Variants in WNT10B observed in about 807,000 individuals in gnomAD.
WNT10B encodes the protein Wnt family member 10B.
WNT10B carries 26 observed loss-of-function variants against 32.7 expected under a neutral mutation model. The ratio of observed to expected loss-of-function variants is 0.79; its 90% CI spans 0.58 to 1.10. The LOEUF is 1.10. Ranked by LOEUF, WNT10B falls within the 50% of genes least tolerant of loss-of-function variation. WNT10B has a pLI of 0.00. For missense variants in WNT10B, 474 were observed against 532.5 expected, an observed-to-expected ratio of 0.89 and a Z score of 1.08; for synonymous variants, 204 against 220.4, an observed-to-expected ratio of 0.93 and a Z score of 0.66.
rs774197373 is a variant in WNT10B at position 48,968,101 on chromosome 12, G to A, written c.556C>T (p.Pro186Ser). ...CATGTGTCCTGGGGGCCAGGGCTGG[G>A]GCTTGAGCCAGGGCCAGGGCTGGGC... Reference protein sequence around the residue: ...SLPSPGPGSSPSPGPQDTWEW... With the variant: ...SLPSPGPGSSSSPGPQDTWEW... The change falls in exon 4 of 5, where the codon CCC becomes TCC. Residue 186 changes from proline (P) to serine (S), a missense_variant. By Grantham distance (74) the Pro-to-Ser change is moderately conservative. Coordinates refer to ENST00000301061, the MANE Select transcript of WNT10B (RefSeq NM_003394.4). 9 of 1,614,102 alleles carry A rather than the reference G, an allele frequency of 5.6e-6. No homozygotes were observed. The African/African-American group carries it at 1.1e-4, about 19-fold the overall frequency.
In WNT10B at chr12:48,966,357, C is replaced by T. The variant is rs949468838; in HGVS notation, c.908G>A (p.Arg303His). 5.6e-6 allele frequency: 9 copies of T among 1,614,178 alleles called. No homozygotes were observed. In the East Asian group the frequency reaches 6.7e-5, roughly 12 times the overall value. Reference sequence around the variant, plus strand: ...AAAGTAGACCAGCTCTCCTGAGAGGCGACGGGGACGCAGACGGGGCTGGAA... The same window carrying T: ...AAAGTAGACCAGCTCTCCTGAGAGGTGACGGGGACGCAGACGGGGCTGGAA... ...GAFQPRLRPRRLSGELVYFEK... is the reference protein window; with the variant it reads ...GAFQPRLRPRHLSGELVYFEK... The change falls in exon 5 of 5, where the codon CGC becomes CAC. Residue 303 changes from arginine (R) to histidine (H), a missense_variant. Arg to His is a conservative substitution (Grantham distance 29, BLOSUM62 0). Coordinates refer to ENST00000301061, the MANE Select transcript of WNT10B (RefSeq NM_003394.4).
chr12:48,967,950 C>T lies in WNT10B; in HGVS notation c.707G>A (p.Arg236His), dbSNP rs372388862. The T allele has an allele frequency of 6.8e-6, 11 of 1,614,062 alleles. No individual in the cohort carries two copies. Among genetic ancestry groups the T allele is most frequent in the African/African-American group, 2.7e-5 (2 of 74,924 alleles). ...RMRIHNNRVG[R>H]QVVTENLKRK... Reference sequence around the variant, plus strand: ...GGACAAGATGTACACACATACCTGGCGCCCCACCCTGTTGTTGTGGATTCG... The same window carrying T: ...GGACAAGATGTACACACATACCTGGTGCCCCACCCTGTTGTTGTGGATTCG... Residue 236 changes from arginine to histidine, a missense_variant, in exon 4 of 5, where the codon CGC (arginine) becomes CAC (histidine). Physicochemically the swap from Arg to His is conservative, Grantham distance 29. Coordinates refer to ENST00000301061, the MANE Select transcript of WNT10B (RefSeq NM_003394.4).
At chr12:48,969,485 G>A (rs981510683) in intron 3 of WNT10B, among the ~76,000 whole-genome samples, 1 of 152,192 alleles carries the variant, frequency 6.6e-6, no homozygotes, top group Non-Finnish European at 1.5e-5. Flanking sequence ...GACCAGGCCA[G>A]CAGTGACCTG....
At chr12:48,969,018 C>T (rs762997344) in intron 3 of WNT10B, 67 of 465,898 alleles carry the variant, frequency 1.4e-4, no homozygotes, top group Non-Finnish European at 2.5e-4. Context: ...TTCCCTAAGG[C>T]CCTCTTAAAA....
intron 4 of WNT10B, among the ~76,000 whole-genome samples, chr12:48,967,672 G>A (rs1195585968): frequency 6.6e-6 from 1 of 152,040 alleles, no homozygotes; most frequent in Non-Finnish European, 1.5e-5. Flanking sequence ...GGCTGTTCTT[G>A]AACTCCTGGC....
chr12:48,967,375 A>G (rs768895301), intron 4 of WNT10B, among the ~76,000 whole-genome samples: 1 of 152,066 alleles, frequency 6.6e-6, no homozygotes, highest in African/African-American at 2.4e-5. Flanking sequence ...CACGTTAGCC[A>G]GGATGGTCTC....
Position 48,967,971 on chromosome 12 carries a change from A to T in WNT10B, c.686T>A (p.Ile229Asn), listed in dbSNP as rs1197489001. 1.2e-6 allele frequency: 2 copies of T among 1,614,216 alleles called. No individual in the cohort carries two copies. The highest frequency in any genetic ancestry group is 1.3e-5 in the African/African-American group (1 of 75,054). ...APRDIQARMR[I>N]HNNRVGRQVV... is the part of the protein sequence containing the mutation. ...CTGGCGCCCCACCCTGTTGTTGTGGATTCGCATTCGTGCCTGGATGTCCCG... is the reference window on the plus strand; with the variant it reads ...CTGGCGCCCCACCCTGTTGTTGTGGTTTCGCATTCGTGCCTGGATGTCCCG... The change falls in exon 4 of 5, where the codon ATC (isoleucine) becomes AAC (asparagine). Residue 229 changes from isoleucine (I) to asparagine (N), a missense_variant. Ile to Asn is a moderately radical substitution (Grantham distance 149). Coordinates refer to ENST00000301061, the MANE Select transcript of WNT10B (RefSeq NM_003394.4).
Position 48,968,095 on chromosome 12 carries a change from G to A in WNT10B, c.562C>T (p.Pro188Ser), listed in dbSNP as rs1940774493. ...CATTCCCATGTGTCCTGGGGGCCAG[G>A]GCTGGGGCTTGAGCCAGGGCCAGGG... Reference protein sequence around the residue: ...PSPGPGSSPSPGPQDTWEWGG... With the variant: ...PSPGPGSSPSSGPQDTWEWGG... The change falls in exon 4 of 5, where the codon CCT becomes TCT. Residue 188 changes from proline (P) to serine (S), a missense_variant. Transcript: ENST00000301061. 6.2e-7 allele frequency: 1 copy of A among 1,614,092 alleles called. No individual in the cohort carries two copies. Among genetic ancestry groups the A allele is most frequent in the African/African-American group, 1.3e-5 (1 of 74,932 alleles).
chr12:48,967,933 T>A lies in WNT10B; in HGVS notation c.711+13A>T. 1 of 1,614,094 alleles carries A rather than the reference T, an allele frequency of 6.2e-7. No homozygotes were observed. Among genetic ancestry groups the A allele is most frequent in the Middle Eastern group, 1.7e-4 (1 of 6,046 alleles). On this transcript the variant is annotated intron_variant, in intron 4 of 4. Coordinates refer to ENST00000301061, the MANE Select transcript of WNT10B (RefSeq NM_003394.4). ...AAAGCTGGGGAGACCCAGGACAAGA[T>A]GTACACACATACCTGGCGCCCCACC...
At position 48,970,718 on chromosome 12, in the gene WNT10B, T is replaced by C; in HGVS notation, c.-40-149A>G. 1 of 638,396 alleles carries C rather than the reference T, an allele frequency of 1.6e-6. No homozygotes were observed. The highest frequency in any genetic ancestry group is 2.0e-5 in the South Asian group (1 of 50,812). The allele number at this position is 638,396 out of a possible 1,614,324, so 39.5% of individuals were successfully genotyped here. On this transcript the variant is annotated intron_variant, in intron 1 of 4. Transcript: ENST00000301061. This position sits in a 1 kb window ranked among gnomAD's most constrained non-coding sequence, Gnocchi z 5.0. ...CAAACAAAACAAGAAGAAACACCCC[T>C]TGATTCCCAGAGTCCCTGAGGCTTG...
intron 3 of WNT10B, among the ~76,000 whole-genome samples, chr12:48,968,523 C>A (rs1940786440): frequency 6.6e-6 from 1 of 152,182 alleles, no homozygotes; most frequent in African/African-American, 2.4e-5. Context: ...TTCTTCATTT[C>A]TAAAGGGAGG....
rs775940402 is a variant in WNT10B at position 48,970,536 on chromosome 12, G to T, written c.-7C>A. ...GCCGGGGCTCCTCCAGCATGTCGAA[G>T]CCCGGAGGCTCCGGTGGGCAGATCG... On this transcript the variant is annotated 5_prime_UTR_variant, in exon 2 of 5. Transcript: ENST00000301061. The surrounding 1 kb of genome is among the most constrained non-coding windows in gnomAD (Gnocchi z 5.0). 32 of 1,572,152 alleles carry T rather than the reference G, an allele frequency of 2.0e-5. No homozygotes were observed. Among genetic ancestry groups the T allele is most frequent in the Middle Eastern group, 1.7e-4 (1 of 6,008 alleles).
At chr12:48,966,733 A>G (rs1940742771) in intron 4 of WNT10B, among the ~76,000 whole-genome samples, 180 bp from the exon 5 acceptor site, 1 of 152,220 alleles carries the variant, frequency 6.6e-6, no homozygotes, top group Non-Finnish European at 1.5e-5. Context: ...TCATTTTATG[A>G]TGGCAGAATT....
At position 48,969,962 on chromosome 12, in the gene WNT10B, G is replaced by C. The variant is rs2137614568; in HGVS notation, c.337+127C>G. 5.9e-6 allele frequency: 7 copies of C among 1,190,728 alleles called. No individual in the cohort carries two copies. The East Asian group carries it at 1.8e-4, about 31-fold the overall frequency. The allele number at this position is 1,190,728 out of a possible 1,614,324, so 73.8% of individuals were successfully genotyped here. ...ACCTGGCTCAGAGCGGCTCCGGGGG[G>C]GGCGGGGAATTCCAGGAGAGGCCCC... On this transcript the variant is annotated intron_variant, in intron 3 of 4. Transcript: ENST00000301061.
chr12:48,967,480 A>C (rs908338474), intron 4 of WNT10B, among the ~76,000 whole-genome samples: 1 of 151,134 alleles, frequency 6.6e-6, no homozygotes, highest in Admixed American at 6.6e-5. Context: ...TTGTACTTTT[A>C]ATAGAGATGG....
chr12:48,968,334 G>A lies in WNT10B; in HGVS notation c.338-15C>T. The A allele has an allele frequency of 1.3e-6, 2 of 1,599,938 alleles. No individual in the cohort carries two copies. Among genetic ancestry groups the A allele is most frequent in the Non-Finnish European group, 1.7e-6 (2 of 1,179,970 alleles). On this transcript the variant is annotated splice_polypyrimidine_tract_variant and intron_variant, in intron 3 of 4. Transcript: ENST00000301061. ...TTCTCGGAAACCTGGGGATGAGAAG[G>A]GTGTGATGGTGGAGGTAAGGTTGAC...
At position 48,966,401 on chromosome 12, in the gene WNT10B, G is replaced by A. The variant is rs1421167218; in HGVS notation, c.864C>T (p.His288=). 4.3e-6 allele frequency: 7 copies of A among 1,614,154 alleles called. No individual in the cohort carries two copies. The East Asian group carries it at 1.1e-4, about 26-fold the overall frequency. The change falls in exon 5 of 5, where the codon CAC becomes CAT. Residue 288 remains histidine (H), a synonymous_variant. Coordinates refer to ENST00000301061, the MANE Select transcript of WNT10B (RefSeq NM_003394.4). The part of the protein sequence containing the change: ...RLGRAIFIDT[H]NRNSGAFQPR... ...GCTGGAAGGCTCCAGAATTGCGGTTGTGGGTATCAATGAAGATGGCCCGGC... is the reference window on the plus strand; with the variant it reads ...GCTGGAAGGCTCCAGAATTGCGGTTATGGGTATCAATGAAGATGGCCCGGC...
chr12:48,969,992 G>A, intron 3 of WNT10B, 97 bp downstream of exon 3: 2 of 1,346,916 alleles, frequency 1.5e-6, no homozygotes, highest in Non-Finnish European at 1.9e-6. Flanking sequence ...GGCCCCTCCC[G>A]GAGCCGCGAA....
Position 48,970,539 on chromosome 12 carries a change from C to A in WNT10B, c.-10G>T. ...GGGGCTCCTCCAGCATGTCGAAGCC[C>A]GGAGGCTCCGGTGGGCAGATCGATC... On this transcript the variant is annotated 5_prime_UTR_variant, in exon 2 of 5. Transcript: ENST00000301061. The surrounding 1 kb of genome is among the most constrained non-coding windows in gnomAD (Gnocchi z 5.0). 1 of 1,568,950 alleles carries A rather than the reference C, an allele frequency of 6.4e-7. No individual in the cohort carries two copies. The highest frequency in any genetic ancestry group is 8.6e-7 in the Non-Finnish European group (1 of 1,156,578).
Sources: allele counts gnomAD v4.1 joint callset (sites outside exome capture counted in the v4.1 genomes callset), GRCh38; gene constraint gnomAD v4.1.1; non-coding constraint Gnocchi (gnomAD v3.1); transcripts MANE v1.5; gene names NCBI Gene and HGNC (gene_info 2026-07-23, HGNC 2026-07-21).